The following MAMLD1 variants were observed in gnomAD, a reference collection of about 807,000 sequenced individuals.
MAMLD1 encodes mastermind like domain containing 1.
In MAMLD1, 14 loss-of-function variants were observed where a neutral mutation model predicts 45.0. The ratio of observed to expected loss-of-function variants is 0.31; its 90% CI spans 0.21 to 0.49. The LOEUF (loss-of-function observed/expected upper bound fraction) is 0.49. Among genes scored for constraint, MAMLD1 ranks in the 20% least tolerant of loss-of-function variants. The pLI is 0.99. For synonymous variants in MAMLD1, 254 were observed against 247.8 expected (o/e 1.02, Z -0.24); for missense variants, 543 against 603.6 (o/e 0.90, Z 1.05).
intron 6 of MAMLD1, among the ~76,000 whole-genome samples, chrX:150,507,206 G>A (rs1961856221): frequency 8.9e-6 from 1 of 112,464 alleles, no homozygotes; most frequent in South Asian, 3.6e-4. Context: ...CTTCATAAGA[G>A]AGCAGAAAGC....
intron 1 of MAMLD1, among the ~76,000 whole-genome samples, chrX:150,365,635 C>G (rs1557400697): frequency 8.8e-6 from 1 of 113,280 alleles, no homozygotes; most frequent in Non-Finnish European, 1.9e-5. Context: ...CTTAGGCCAC[C>G]CGCGTCTGGC....
intron 1 of MAMLD1, among the ~76,000 whole-genome samples, chrX:150,443,959 T>C (rs781788639): frequency 8.9e-6 from 1 of 112,659 alleles, no homozygotes; most frequent in South Asian, 3.7e-4. Context: ...GCTTTGCTAC[T>C]GAAACTTGGG....
chrX:150,512,311 C>T lies in MAMLD1; in HGVS notation c.*352C>T. On this transcript the variant is annotated 3_prime_UTR_variant, in exon 8 of 8. Coordinates refer to ENST00000370401, the MANE Select transcript of MAMLD1 (RefSeq NM_005491.5). Reference sequence around the variant, plus strand: ...CCAAGGCCACCCCACCAGAAGTGCCCCTGCCTGGGTTCTGTCCCAGCTCCC... The same window carrying T: ...CCAAGGCCACCCCACCAGAAGTGCCTCTGCCTGGGTTCTGTCCCAGCTCCC... 8.9e-7 allele frequency: 1 copy of T among 1,129,281 alleles called. No homozygotes were observed. The highest frequency in any genetic ancestry group is 1.2e-6 in the Non-Finnish European group (1 of 857,145). 93.1% of individuals were successfully genotyped at this position (1,129,281 alleles called of 1,213,427 possible). A position where few individuals can be genotyped will look rare whatever the true frequency, so the allele number is the denominator to read the frequency against.
intron 1 of MAMLD1, among the ~76,000 whole-genome samples, chrX:150,423,362 GTGTGTGTGTGTGTGTGTGTGTGTT>G (rs1386634979): frequency 9.4e-6 from 1 of 106,020 alleles, no homozygotes; most frequent in Non-Finnish European, 2.0e-5. Context: ...GTGTGTGTGT[GTGTGTGTGTGTGTGTGTGTGTGTT>G]TGCACCTTTG....
intron 1 of MAMLD1, among the ~76,000 whole-genome samples, chrX:150,424,851 A>T (rs782664550): frequency 9.0e-6 from 1 of 111,663 alleles, no homozygotes; most frequent in East Asian, 2.8e-4. Context: ...CATTTTCATC[A>T]CCCTCAAAAG....
chrX:150,375,204 C>T (rs1016945321), intron 1 of MAMLD1, among the ~76,000 whole-genome samples: 1 of 111,730 alleles, frequency 9.0e-6, no homozygotes, highest in Admixed American at 9.4e-5. Context: ...CAGGTGCTGG[C>T]CCTGGGTCTC....
chrX:150,512,657 G>A lies in MAMLD1; in HGVS notation c.*698G>A. 1 of 1,150,183 alleles carries A rather than the reference G, an allele frequency of 8.7e-7. No individual in the cohort carries two copies. The highest frequency in any genetic ancestry group is 1.2e-6 in the Non-Finnish European group (1 of 869,335). 94.8% of individuals were successfully genotyped at this position (1,150,183 alleles called of 1,213,427 possible). On this transcript the variant is annotated 3_prime_UTR_variant, in exon 8 of 8. Coordinates refer to ENST00000370401, the MANE Select transcript of MAMLD1 (RefSeq NM_005491.5). Reference sequence around the variant, plus strand: ...GAGCCCGGTACAGGGCCCGGTGCCTGTAGCAAACACCACCAAGTTCCTCCA... The same window carrying A: ...GAGCCCGGTACAGGGCCCGGTGCCTATAGCAAACACCACCAAGTTCCTCCA...
At chrX:150,504,807 C>T (rs1376544799) in intron 6 of MAMLD1, 13 of 752,125 alleles carry the variant, frequency 1.7e-5, no homozygotes, top group Non-Finnish European at 2.0e-5. Context: ...TCTCTAAGAA[C>T]CTTGGAAATT....
intron 5 of MAMLD1, among the ~76,000 whole-genome samples, chrX:150,482,924 A>G (rs782585515): frequency 5.3e-5 from 6 of 112,281 alleles, no homozygotes; most frequent in African/African-American, 1.9e-4. Flanking sequence ...TGAGAAACCC[A>G]CTTGCTTCAT....
At chrX:150,509,343 G>A (rs2037834951) in intron 6 of MAMLD1, 1 of 114,061 alleles carries the variant, frequency 8.8e-6, no homozygotes, top group East Asian at 2.8e-4. Context: ...GCCCTGCAGA[G>A]GCTAGGTATC....
At chrX:150,459,770 C>T (rs1384801778) in intron 2 of MAMLD1, among the ~76,000 whole-genome samples, 2 of 103,314 alleles carry the variant, frequency 1.9e-5, no homozygotes, top group East Asian at 6.5e-4. Flanking sequence ...GTCTCCCTTA[C>T]TAAAACAAAA....
chrX:150,452,199 G>T (rs1432247737), intron 2 of MAMLD1, among the ~76,000 whole-genome samples: 2 of 112,162 alleles, frequency 1.8e-5, no homozygotes, highest in Non-Finnish European at 3.8e-5. Context: ...AAAAGTCATT[G>T]TCTCTAGGCC....
chrX:150,401,716 A>G (rs1279947895), intron 1 of MAMLD1, among the ~76,000 whole-genome samples: 2 of 111,931 alleles, frequency 1.8e-5, no homozygotes, highest in African/African-American at 6.5e-5. Context: ...CTGGTACCAA[A>G]ACGGAGATAT....
chrX:150,369,644 A>T (rs782730546), intron 1 of MAMLD1, among the ~76,000 whole-genome samples: 126 of 112,292 alleles, frequency 1.1e-3, no homozygotes, highest in Non-Finnish European at 2.0e-3. Flanking sequence ...TTGGGTTGGT[A>T]TACAGATAAC....
rs782409130 is a variant in MAMLD1 at position 150,501,077 on chromosome X, G to T, written c.2041-2197G>T. ...CCATGTGCCATCTGCAGTTTTTTCTGCCTGATGGACTACTGAGGCACTGCG... is the reference window on the plus strand; with the variant it reads ...CCATGTGCCATCTGCAGTTTTTTCTTCCTGATGGACTACTGAGGCACTGCG... On this transcript the variant is annotated intron_variant, in intron 5 of 7. Coordinates refer to ENST00000370401, the MANE Select transcript of MAMLD1 (RefSeq NM_005491.5). Among the ~76,000 whole-genome samples, 100 of 111,638 alleles carry T rather than the reference G, an allele frequency of 9.0e-4. 1 individual carries two copies. Among genetic ancestry groups the T allele is most frequent in the African/African-American group, 3.2e-3 (98 of 30,710 alleles).
At chrX:150,398,780 G>A (rs782441159) in intron 1 of MAMLD1, among the ~76,000 whole-genome samples, 1 of 111,568 alleles carries the variant, frequency 9.0e-6, no homozygotes, top group Admixed American at 9.4e-5. Context: ...CAGCCTTATG[G>A]TGTAATTATT....
rs138097443 is a variant in MAMLD1 at position 150,382,715 on chromosome X, T to C, written c.-64+19185T>C. On this transcript the variant is annotated intron_variant, in intron 1 of 7. Coordinates refer to ENST00000370401, the MANE Select transcript of MAMLD1 (RefSeq NM_005491.5). Reference sequence around the variant, plus strand: ...CAACTCTTTTTTTCTGAATTCTTTTTATTAAAATTCAAAAATGTCAATATT... The same window carrying C: ...CAACTCTTTTTTTCTGAATTCTTTTCATTAAAATTCAAAAATGTCAATATT... Among the ~76,000 whole-genome samples, 5 of 111,216 alleles carry C rather than the reference T, an allele frequency of 4.5e-5. No homozygotes were observed. In the East Asian group the frequency reaches 1.4e-3, roughly 31 times the overall value.
At chrX:150,405,066 G>T (rs2124527477) in intron 1 of MAMLD1, among the ~76,000 whole-genome samples, 1 of 112,065 alleles carries the variant, frequency 8.9e-6, no homozygotes, top group African/African-American at 3.2e-5. Context: ...TGGGTTATAT[G>T]GTGTACGTTT....
At chrX:150,469,130 G>A (rs1557406134) in intron 3 of MAMLD1, among the ~76,000 whole-genome samples, 1 of 112,101 alleles carries the variant, frequency 8.9e-6, no homozygotes. Flanking sequence ...TTTCCTGTAA[G>A]GGCTCTGTTG....
Sources: gnomAD v4.1 joint callset for allele counts (sites outside exome capture counted in the v4.1 genomes callset) on GRCh38, gnomAD v4.1.1 for gene constraint, MANE v1.5 for transcripts, NCBI Gene and HGNC (gene_info 2026-07-23, HGNC 2026-07-21) for gene names.